Variants in NRIP1 observed in about 807,000 individuals in gnomAD.
NRIP1 encodes the protein nuclear receptor-interacting protein 1.
In NRIP1, 28 loss-of-function variants were observed where a neutral mutation model predicts 75.0. The ratio of observed to expected loss-of-function variants is 0.37; its 90% CI spans 0.28 to 0.51. The LOEUF (loss-of-function observed/expected upper bound fraction) is 0.51, where lower values mean the gene tolerates loss of function less well. Ranked by LOEUF, NRIP1 falls within the 20% of genes least tolerant of loss-of-function variation. NRIP1 has a pLI of 0.92. For synonymous variants in NRIP1, 526 were observed against 487.6 expected (o/e 1.08, Z -1.04); for missense variants, 1,435 against 1,343.7 (o/e 1.07, Z -1.06).
chr21:15,025,047 C>A (rs2088483108), intron 2 of NRIP1, among the ~76,000 whole-genome samples: 2 of 152,052 alleles, frequency 1.3e-5, no homozygotes, highest in South Asian at 4.2e-4. Context: ...AGGAGTGGTC[C>A]AGCACTGGGT....
chr21:15,032,040 T>C (rs1000461660), intron 2 of NRIP1, among the ~76,000 whole-genome samples: 27 of 152,370 alleles, frequency 1.8e-4, no homozygotes, highest in African/African-American at 6.5e-4. Context: ...TGGAAGGCGC[T>C]TGGAGGACAC....
chr21:15,061,239 G>A (rs1042688146), intron 1 of NRIP1, among the ~76,000 whole-genome samples: 2 of 152,092 alleles, frequency 1.3e-5, no homozygotes, highest in South Asian at 4.1e-4. Flanking sequence ...TTGCTAGAAC[G>A]GCAAATGCTT....
chr21:15,035,587 C>T (rs1600906068), intron 2 of NRIP1, among the ~76,000 whole-genome samples: 1 of 142,052 alleles, frequency 7.0e-6, no homozygotes. Context: ...GACAGAGTCT[C>T]GCTCTGTTGC....
chr21:15,065,463 G>C (rs1978808127), upstream of NRIP1, among the ~76,000 whole-genome samples: 1 of 152,252 alleles, frequency 6.6e-6, no homozygotes, highest in African/African-American at 2.4e-5. Flanking sequence ...GGCACAGCCT[G>C]GGGGCCGGGG....
At chr21:15,030,348 A>C (rs2088615130) in intron 2 of NRIP1, among the ~76,000 whole-genome samples, 1 of 152,216 alleles carries the variant, frequency 6.6e-6, no homozygotes, top group Non-Finnish European at 1.5e-5. Flanking sequence ...AACACAGAAA[A>C]GTTTTTACGA....
At chr21:15,043,188 G>A (rs903022934) in intron 2 of NRIP1, among the ~76,000 whole-genome samples, 3 of 152,184 alleles carry the variant, frequency 2.0e-5, no homozygotes, top group Admixed American at 1.3e-4. Context: ...GGAACTTTAT[G>A]TATCTCATTT....
chr21:14,962,935 T>C lies in NRIP1; in HGVS notation c.*1781A>G, dbSNP rs964005178. 1.3e-5 allele frequency: 2 copies of C among 152,460 alleles called. No individual in the cohort carries two copies. Among genetic ancestry groups the C allele is most frequent in the South Asian group, 2.1e-4 (1 of 4,828 alleles). The allele number at this position is 152,460 out of a possible 1,614,324, so 9.4% of individuals were successfully genotyped here. ...TTATAGAATAATTTTTGATAGGTCA[T>C]TTGCTAACCTGGTTCACAATTAAGA... On this transcript the variant is annotated 3_prime_UTR_variant, in exon 4 of 4. Transcript: ENST00000318948.
At chr21:15,035,230 A>T (rs1022969400) in intron 2 of NRIP1, among the ~76,000 whole-genome samples, 16 of 152,110 alleles carry the variant, frequency 1.1e-4, no homozygotes, top group East Asian at 1.9e-4. Flanking sequence ...AAATTTTTTT[A>T]AAAAAATAAC....
chr21:15,064,059 C>T (rs1468812362), intron 1 of NRIP1, among the ~76,000 whole-genome samples: 2 of 152,254 alleles, frequency 1.3e-5, no homozygotes, highest in East Asian at 3.8e-4. Flanking sequence ...AAACAATATT[C>T]AATCGTAATA....
intron 3 of NRIP1, among the ~76,000 whole-genome samples, chr21:14,997,730 T>A (rs964789998): frequency 6.7e-6 from 1 of 148,802 alleles, no homozygotes; most frequent in Non-Finnish European, 1.5e-5. Flanking sequence ...TATATACACA[T>A]AAATATATTT....
At position 14,967,253 on chromosome 21, in the gene NRIP1, T is replaced by C; in HGVS notation, c.940A>G (p.Ser314Gly). Residue 314 changes from serine to glycine, a missense_variant, in exon 4 of 4, where the codon AGT (serine) becomes GGT (glycine). By Grantham distance (56) the Ser-to-Gly change is moderately conservative. Transcript: ENST00000318948. ...GACATTCCTTTTGGGAGCTGGTAAC[T>C]GCCAACATCCTTCTGGCCATTTTCT... ...LQENGQKDVG[S>G]YQLPKGMSSH... 6.2e-7 allele frequency: 1 copy of C among 1,614,016 alleles called. No individual in the cohort carries two copies. The highest frequency in any genetic ancestry group is 2.2e-5 in the East Asian group (1 of 44,844).
At chr21:15,009,728 A>C (rs903101267) in intron 3 of NRIP1, among the ~76,000 whole-genome samples, 4 of 152,230 alleles carry the variant, frequency 2.6e-5, no homozygotes, top group Non-Finnish European at 5.9e-5. Context: ...GTAATGACAA[A>C]CTTTTATAGA....
intron 3 of NRIP1, chr21:14,988,254 T>A (rs1490812254): frequency 6.6e-6 from 1 of 152,206 alleles, no homozygotes; most frequent in African/African-American, 2.4e-5. Context: ...AAAAGGTACA[T>A]GTAAAACAGT....
chr21:14,966,587 T>G lies in NRIP1; in HGVS notation c.1606A>C (p.Arg536=), dbSNP rs1251121180. The change falls in exon 4 of 4, where the codon AGG becomes CGG. Residue 536 remains arginine, a synonymous_variant. Coordinates refer to ENST00000318948, the MANE Select transcript of NRIP1 (RefSeq NM_003489.4). ...VSKFNTQNYA[R]TSVIESPSTN... Reference sequence around the variant, plus strand: ...CTGGGGCTTTCTATCACAGAAGTCCTTGCATAATTTTGTGTATTGAACTTG... The same window carrying G: ...CTGGGGCTTTCTATCACAGAAGTCCGTGCATAATTTTGTGTATTGAACTTG... 2 of 1,614,020 alleles carry G rather than the reference T, an allele frequency of 1.2e-6. No homozygotes were observed. The highest frequency in any genetic ancestry group is 1.7e-6 in the Non-Finnish European group (2 of 1,180,006).
intron 3 of NRIP1, among the ~76,000 whole-genome samples, chr21:14,983,302 C>T (rs951944843): frequency 5.3e-5 from 8 of 151,940 alleles, no homozygotes; most frequent in African/African-American, 1.9e-4. Flanking sequence ...TTATTGCTGA[C>T]ATACAGAAAG....
chr21:15,050,957 T>C (rs2089188021), intron 1 of NRIP1: 2 of 455,114 alleles, frequency 4.4e-6, no homozygotes, highest in Non-Finnish European at 8.8e-6. Flanking sequence ...GCTACTATTA[T>C]TACACACCTA....
chr21:15,052,731 C>A (rs2089228310), intron 1 of NRIP1, among the ~76,000 whole-genome samples: 1 of 152,142 alleles, frequency 6.6e-6, no homozygotes, highest in African/African-American at 2.4e-5. Context: ...CCAAAAAACA[C>A]AATGAAAAAC....
intron 3 of NRIP1, among the ~76,000 whole-genome samples, chr21:15,012,446 TC>T (rs1941313088): frequency 1.9e-5 from 2 of 103,394 alleles, no homozygotes; most frequent in Non-Finnish European, 3.9e-5. Flanking sequence ...CATTATAATG[TC>T]TTTTTTTTTT....
intron 2 of NRIP1, among the ~76,000 whole-genome samples, chr21:15,028,168 G>C (rs2088565120): frequency 6.6e-6 from 1 of 152,164 alleles, no homozygotes; most frequent in African/African-American, 2.4e-5. Context: ...GATGCACACG[G>C]ATTGAAAATC....
Sources: gnomAD v4.1 joint callset for allele counts (sites outside exome capture counted in the v4.1 genomes callset) on GRCh38, gnomAD v4.1.1 for gene constraint, MANE v1.5 for transcripts, NCBI Gene and HGNC (gene_info 2026-07-23, HGNC 2026-07-21) for gene names.